The following GRID2 variants were observed in gnomAD, a reference collection of about 807,000 sequenced individuals.
The protein encoded by GRID2 is glutamate ionotropic receptor delta type subunit 2.
In GRID2, 33 loss-of-function variants were observed where a neutral mutation model predicts 114.8. The observed-to-expected ratio is 0.29, with a 90% CI of 0.22 to 0.38. GRID2 has a LOEUF of 0.38. GRID2 is among the 10% of genes least tolerant of loss of function. The pLI, the probability that GRID2 is intolerant of heterozygous loss-of-function variation, is 1.00. For synonymous variants in GRID2, 505 were observed against 449.9 expected, an observed-to-expected ratio of 1.12 and a Z score of -1.55; for missense variants, 1,184 against 1,257.7, an observed-to-expected ratio of 0.94 and a Z score of 0.89.
chr4:93,590,605 G>C (rs1738146815), intron 13 of GRID2, among the ~76,000 whole-genome samples: 1 of 152,140 alleles, frequency 6.6e-6, no homozygotes, highest in African/African-American at 2.4e-5. Context: ...GGCATTGGTA[G>C]CTTGATGGGG....
At chr4:92,713,328 T>C (rs1484937703) in intron 2 of GRID2, among the ~76,000 whole-genome samples, 1 of 151,442 alleles carries the variant, frequency 6.6e-6, no homozygotes, top group Non-Finnish European at 1.5e-5. Context: ...AGTAAACTTA[T>C]GTTAGTAATA....
rs760605020 is a variant in GRID2 at position 92,688,037 on chromosome 4, C to CTTTTTTT, written c.244+97774_244+97780dup. On this transcript the variant is annotated intron_variant, in intron 2 of 15. Transcript: ENST00000282020. ...GCCACATTGGTTGACCCTTCTTCTTCTTTTTTTTTTTTTTTTTTTTTTTTT... is the reference window on the plus strand; with the variant it reads ...GCCACATTGGTTGACCCTTCTTCTTCTTTTTTTTTTTTTTTTTTTTTTTTTTTTTTTT... Among the ~76,000 whole-genome samples, 246 of 44,682 alleles carry CTTTTTTT rather than the reference C, an allele frequency of 5.5e-3. 33 individuals carry two copies. The highest frequency in any genetic ancestry group is 6.3e-3 in the Non-Finnish European group (156 of 24,664). The allele number at this position is 44,682 out of a possible 152,430, so 29.3% of individuals were successfully genotyped here.
intron 2 of GRID2, among the ~76,000 whole-genome samples, chr4:92,794,180 A>C (rs1462123660): frequency 6.6e-6 from 1 of 151,940 alleles, no homozygotes; most frequent in African/African-American, 2.4e-5. Flanking sequence ...CCAGTGGCAC[A>C]TGTAAGCTCA....
intron 1 of GRID2, among the ~76,000 whole-genome samples, chr4:92,586,389 C>A (rs981733413): frequency 1.3e-5 from 2 of 151,018 alleles, no homozygotes; most frequent in Non-Finnish European, 3.0e-5. Flanking sequence ...CACACACACA[C>A]ACACATACAC....
rs984536412 is a variant in GRID2 at position 93,773,618 on chromosome 4, A to C, written c.*1120A>C. On this transcript the variant is annotated 3_prime_UTR_variant, in exon 16 of 16. Transcript: ENST00000282020. Reference sequence around the variant, plus strand: ...CCACAACAGCACATAGAGCTCTAGAAGAGTTGAAACATAGATCATTGAAGG... The same window carrying C: ...CCACAACAGCACATAGAGCTCTAGACGAGTTGAAACATAGATCATTGAAGG... 1 of 152,138 alleles carries C rather than the reference A, an allele frequency of 6.6e-6. No individual in the cohort carries two copies. The highest frequency in any genetic ancestry group is 2.4e-5 in the African/African-American group (1 of 41,442). 9.4% of individuals were successfully genotyped at this position (152,138 alleles called of 1,614,324 possible).
intron 14 of GRID2, among the ~76,000 whole-genome samples, chr4:93,658,012 C>A (rs1226194588): frequency 1.3e-5 from 2 of 152,142 alleles, no homozygotes. Context: ...ATTTCTACTT[C>A]CATTGGGATC....
intron 1 of GRID2, among the ~76,000 whole-genome samples, chr4:92,523,404 G>A (rs570759573): frequency 2.0e-5 from 3 of 151,998 alleles, no homozygotes; most frequent in Admixed American, 6.5e-5. Context: ...ATAAGTTAAG[G>A]CAAAAATTAG....
At chr4:92,326,956 TC>T (rs1726629547) in intron 1 of GRID2, among the ~76,000 whole-genome samples, 1 of 151,956 alleles carries the variant, frequency 6.6e-6, no homozygotes, top group Non-Finnish European at 1.5e-5. Context: ...CCACATTCTT[TC>T]CTAGAGCCCT....
At chr4:92,566,146 A>T (rs1285454287) in intron 1 of GRID2, among the ~76,000 whole-genome samples, 1 of 151,952 alleles carries the variant, frequency 6.6e-6, no homozygotes, top group Non-Finnish European at 1.5e-5. Flanking sequence ...TTGGTGAAGT[A>T]TTTACTTAAT....
intron 1 of GRID2, among the ~76,000 whole-genome samples, chr4:92,560,054 T>A (rs376919582): frequency 5.3e-5 from 8 of 152,320 alleles, no homozygotes; most frequent in African/African-American, 1.9e-4. Flanking sequence ...CATTACTAAA[T>A]AATGAGATAG....
At chr4:93,337,776 T>A (rs1759239757) in intron 8 of GRID2, among the ~76,000 whole-genome samples, 1 of 152,202 alleles carries the variant, frequency 6.6e-6, no homozygotes, top group Non-Finnish European at 1.5e-5. Flanking sequence ...TATGAGTAAA[T>A]TTAAACGTTT....
intron 9 of GRID2, among the ~76,000 whole-genome samples, chr4:93,413,602 A>T (rs182083043): frequency 1.3e-5 from 2 of 152,296 alleles, no homozygotes; most frequent in East Asian, 3.9e-4. Flanking sequence ...CAATAAATTA[A>T]ATAGTTCTTG....
chr4:93,410,728 C>G (rs1767036809), intron 9 of GRID2, among the ~76,000 whole-genome samples: 1 of 152,210 alleles, frequency 6.6e-6, no homozygotes, highest in Non-Finnish European at 1.5e-5. Flanking sequence ...GGATTACAGG[C>G]ATGCGCCAAC....
chr4:93,176,593 A>T (rs1739363673), intron 4 of GRID2, among the ~76,000 whole-genome samples: 1 of 152,172 alleles, frequency 6.6e-6, no homozygotes, highest in South Asian at 2.1e-4. Context: ...TGCACTTAGG[A>T]TGTAACCGTA....
intron 1 of GRID2, among the ~76,000 whole-genome samples, chr4:92,322,708 T>C (rs755083376): frequency 4.6e-5 from 7 of 152,148 alleles, no homozygotes; most frequent in Non-Finnish European, 7.4e-5. Context: ...AATGTTCCCC[T>C]AGGTATATTC....
chr4:93,075,726 ATACT>A (rs1007153110), intron 2 of GRID2, among the ~76,000 whole-genome samples: 1 of 152,098 alleles, frequency 6.6e-6, no homozygotes, highest in African/African-American at 2.4e-5. Flanking sequence ...AAAGTATAAA[ATACT>A]TAAGAATAAA....
intron 2 of GRID2, among the ~76,000 whole-genome samples, chr4:92,658,818 T>C (rs1047729118): frequency 0.054 from 3,278 of 60,448 alleles, 169 homozygotes; most frequent in African/African-American, 0.13. Context: ...TATATATATA[T>C]ACACACACAC....
intron 2 of GRID2, among the ~76,000 whole-genome samples, chr4:92,755,872 A>G (rs113709012): frequency 1.8e-3 from 275 of 152,314 alleles, no homozygotes; most frequent in African/African-American, 6.4e-3. Context: ...TCTGTGGGAT[A>G]CATTTTGTTA....
At chr4:93,133,792 A>C (rs1735006537) in intron 4 of GRID2, among the ~76,000 whole-genome samples, 1 of 152,194 alleles carries the variant, frequency 6.6e-6, no homozygotes, top group African/African-American at 2.4e-5. Flanking sequence ...TAAATGGAGA[A>C]AAAAGAATGC....
Sources: gnomAD v4.1 joint callset for allele counts (sites outside exome capture counted in the v4.1 genomes callset) on GRCh38, gnomAD v4.1.1 for gene constraint, MANE v1.5 for transcripts, NCBI Gene and HGNC (gene_info 2026-07-23, HGNC 2026-07-21) for gene names.